The following POSTN variants were observed in gnomAD, a reference collection of about 807,000 sequenced individuals.
The protein encoded by POSTN is periostin, also known as osteoblast specific factor 2 (fasciclin I-like).
POSTN carries 71 observed loss-of-function variants against 104.5 expected under a neutral mutation model. The ratio of observed to expected loss-of-function variants is 0.68; its 90% CI spans 0.56 to 0.83. POSTN has a LOEUF of 0.83. POSTN is among the 40% of genes least tolerant of loss of function. The pLI is 0.00. For missense variants in POSTN, 949 were observed against 1,006.8 expected (o/e 0.94, Z 0.78); for synonymous variants, 355 against 340.7 (o/e 1.04, Z -0.46).
intron 9 of POSTN, among the ~76,000 whole-genome samples, chr13:37,583,203 A>G (rs1950647589): frequency 6.6e-6 from 1 of 152,188 alleles, no homozygotes; most frequent in East Asian, 1.9e-4. Flanking sequence ...ATATTTATAT[A>G]TACTATTTTA....
chr13:37,591,924 A>G (rs552421910), intron 3 of POSTN, among the ~76,000 whole-genome samples, 176 bp downstream of exon 3: 58 of 152,284 alleles, frequency 3.8e-4, no homozygotes, highest in Non-Finnish European at 7.8e-4. Flanking sequence ...TGCATGAGAA[A>G]TATGCTCTTA....
At chr13:37,584,681 A>AAAAAAC (rs764969534) in intron 8 of POSTN, 35 bp downstream of exon 8, 6 of 1,554,724 alleles carry the variant, frequency 3.9e-6, no homozygotes, top group South Asian at 1.1e-5. Flanking sequence ...ACAGTAAGTA[A>AAAAAAC]AAAAACAAAA....
Position 37,587,952 on chromosome 13 carries a change from A to C in POSTN, c.476T>G (p.Val159Gly), listed in dbSNP as rs566698637. 6.2e-7 allele frequency: 1 copy of C among 1,604,758 alleles called. No individual in the cohort carries two copies. The highest frequency in any genetic ancestry group is 1.3e-5 in the African/African-American group (1 of 74,770). ...ACTATGTAAAGCATTCAGTAATTCA[A>C]CATTCACGTTGCTCTCCAAACCTCT... The part of the protein sequence containing the change: ...IRRGLESNVN[V>G]ELLNALHSHM... Residue 159 changes from valine (V) to glycine (G), a missense_variant, in exon 5 of 23, where the codon GTT becomes GGT. Physicochemically the swap from Val to Gly is moderately radical, Grantham distance 109 (BLOSUM62 -3). Transcript: ENST00000379747.
chr13:37,584,214 C>T, intron 8 of POSTN, 111 bp from the exon 9 acceptor site: 4 of 1,338,288 alleles, frequency 3.0e-6, no homozygotes, highest in Non-Finnish European at 4.1e-6. Flanking sequence ...CTATTTACTG[C>T]AATGTCAGTG....
chr13:37,585,444 T>C (rs1941355980), intron 7 of POSTN, among the ~76,000 whole-genome samples: 2 of 152,206 alleles, frequency 1.3e-5, no homozygotes, highest in South Asian at 4.1e-4. Flanking sequence ...TTGTAATAGC[T>C]GCTCATAGCA....
chr13:37,586,679 G>T, intron 6 of POSTN, 103 bp downstream of exon 6: 2 of 1,137,562 alleles, frequency 1.8e-6, no homozygotes, highest in Non-Finnish European at 1.3e-6. Context: ...AAAAATATGT[G>T]TTACATTTTT....
At chr13:37,595,164 C>T (rs868148205) in intron 2 of POSTN, among the ~76,000 whole-genome samples, 2 of 151,828 alleles carry the variant, frequency 1.3e-5, no homozygotes, top group Non-Finnish European at 2.9e-5. Flanking sequence ...TCTCTATCTT[C>T]TAGGAAGGAT....
At chr13:37,580,138 C>G (rs1242687100) in intron 11 of POSTN, 147 bp from the exon 12 acceptor site, 16 of 783,022 alleles carry the variant, frequency 2.0e-5, no homozygotes, top group Non-Finnish European at 2.9e-5. Flanking sequence ...TACAATTTAC[C>G]TGTTAAAAGT....
At chr13:37,579,656 C>T (rs1385279109) in intron 12 of POSTN, among the ~76,000 whole-genome samples, 1 of 152,148 alleles carries the variant, frequency 6.6e-6, no homozygotes, top group Non-Finnish European at 1.5e-5. Context: ...GAACATCTAG[C>T]CCAACAACAT....
intron 17 of POSTN, among the ~76,000 whole-genome samples, chr13:37,574,195 T>A (rs1440532178): frequency 6.6e-6 from 1 of 151,470 alleles, no homozygotes; most frequent in African/African-American, 2.4e-5. Flanking sequence ...TCTTGCACTG[T>A]TATAAGAAAG....
chr13:37,596,099 G>A (rs1380358340), intron 2 of POSTN, among the ~76,000 whole-genome samples: 2 of 151,986 alleles, frequency 1.3e-5, no homozygotes, highest in African/African-American at 4.8e-5. Context: ...CACCACTCCT[G>A]GCCCATGTTT....
intron 3 of POSTN, 101 bp downstream of exon 3, chr13:37,591,999 T>A (rs2138375936): frequency 6.0e-6 from 4 of 669,398 alleles, no homozygotes; most frequent in Non-Finnish European, 7.9e-6. Context: ...GGATTTAGGA[T>A]GGTGCTGAAT....
chr13:37,579,364 G>T lies in POSTN; in HGVS notation c.1661-5C>A. On this transcript the variant is annotated splice_region_variant and splice_polypyrimidine_tract_variant and intron_variant, in intron 12 of 22. Coordinates refer to ENST00000379747, the MANE Select transcript of POSTN (RefSeq NM_006475.3). ...TTTGAAGAGCATTTTTGTCCCCTAG[G>T]GGAAAATATATGTTTATTTTTATTG... is the stretch of plus-strand genomic sequence containing the variant. 1 of 1,558,376 alleles carries T rather than the reference G, an allele frequency of 6.4e-7. No individual in the cohort carries two copies. Among genetic ancestry groups the T allele is most frequent in the South Asian group, 1.1e-5 (1 of 88,208 alleles).
At chr13:37,564,212 A>G (rs1593301034) in intron 22 of POSTN, among the ~76,000 whole-genome samples, 2 of 122,960 alleles carry the variant, frequency 1.6e-5, no homozygotes, top group South Asian at 2.5e-4. Flanking sequence ...ATATATATAT[A>G]TATATATATA....
chr13:37,576,116 A>T (rs935688408), intron 16 of POSTN, among the ~76,000 whole-genome samples: 1 of 152,152 alleles, frequency 6.6e-6, no homozygotes, highest in Non-Finnish European at 1.5e-5. Flanking sequence ...AGCCCTCTCC[A>T]GGTCAAATGT....
rs562678257 is a variant in POSTN, at chr13:37,567,375, A to G, written c.2431+1925T>C. On this transcript the variant is annotated intron_variant, in intron 21 of 22. Coordinates refer to ENST00000379747, the MANE Select transcript of POSTN (RefSeq NM_006475.3). ...ATGTATTAATTGGCCAGACCTTGGA[A>G]AAAAAAAAAGTCTTACATAGTGTAA... Among the ~76,000 whole-genome samples the G allele has an allele frequency of 1.0e-3, 138 of 137,960 alleles. 1 individual carries two copies. The highest frequency in any genetic ancestry group is 4.4e-3 in the African/African-American group (132 of 29,786). The allele number at this position is 137,960 out of a possible 152,430, so 90.5% of individuals were successfully genotyped here.
chr13:37,578,366 A>T (rs1275003627), intron 15 of POSTN, among the ~76,000 whole-genome samples: 1 of 152,274 alleles, frequency 6.6e-6, no homozygotes, highest in East Asian at 1.9e-4. Flanking sequence ...AAATGATGCC[A>T]TTTCTTTACA....
intron 3 of POSTN, among the ~76,000 whole-genome samples, 168 bp downstream of exon 3, chr13:37,591,932 T>G (rs1236108359): frequency 6.6e-6 from 1 of 152,182 alleles, no homozygotes; most frequent in Non-Finnish European, 1.5e-5. Context: ...AAATATGCTC[T>G]TATATTTTAT....
intron 18 of POSTN, 24 bp from the exon 19 acceptor site, chr13:37,570,693 C>A (rs1950238201): frequency 5.6e-6 from 8 of 1,430,808 alleles, no homozygotes; most frequent in Non-Finnish European, 7.9e-6. Context: ...AATACAAATG[C>A]ATTTGATTTA....
Sources: gnomAD v4.1 joint callset for allele counts (sites outside exome capture counted in the v4.1 genomes callset) on GRCh38, gnomAD v4.1.1 for gene constraint, MANE v1.5 for transcripts, NCBI Gene and HGNC (gene_info 2026-07-23, HGNC 2026-07-21) for gene names.